Variants in HECTD4 observed in about 807,000 individuals in gnomAD.
HECTD4 encodes HECT domain E3 ubiquitin protein ligase 4, also known as probable E3 ubiquitin-protein ligase HECTD4.
HECTD4 carries 114 observed loss-of-function variants against 471.5 expected under a neutral mutation model. The ratio of observed to expected loss-of-function variants is 0.24; its 90% CI spans 0.21 to 0.28. The LOEUF (loss-of-function observed/expected upper bound fraction) is 0.28, where lower values mean the gene tolerates loss of function less well. Ranked by LOEUF, HECTD4 falls within the 10% of genes least tolerant of loss-of-function variation. HECTD4 has a pLI of 1.00. For synonymous variants in HECTD4, 2,012 were observed against 2,256.0 expected (o/e 0.89, Z 3.07); for missense variants, 3,866 against 5,651.5 (o/e 0.68, Z 10.13).
rs1364612558 is a variant in HECTD4 at position 112,179,340 on chromosome 12, G to A, written c.11045C>T (p.Ala3682Val). Reference protein sequence around the residue: ...EVLTEIFKSCAHSEQTLSLTP... With the variant: ...EVLTEIFKSCVHSEQTLSLTP... ...CAGGCTCAGCGTCTGCTCTGAATGG[G>A]CACAACTCTTAAATATCTCCGTCAG... is the stretch of plus-strand genomic sequence containing the variant. Residue 3682 changes from alanine to valine, a missense_variant, in exon 63 of 76, where the codon GCC (alanine) becomes GTC (valine). This residue lies in a region of HECTD4 where 715 missense variants were observed against 1,087.6 expected (regional missense o/e 0.66). Transcript: ENST00000682272. This position sits in a 1 kb window ranked among gnomAD's most constrained non-coding sequence, Gnocchi z 4.3. 2 of 1,613,030 alleles carry A rather than the reference G, an allele frequency of 1.2e-6. No individual in the cohort carries two copies. The highest frequency in any genetic ancestry group is 2.7e-5 in the African/African-American group (2 of 74,926).
chr12:112,172,173 G>A (rs1439742279), intron 67 of HECTD4, among the ~76,000 whole-genome samples: 1 of 152,228 alleles, frequency 6.6e-6, no homozygotes, highest in African/African-American at 2.4e-5. Flanking sequence ...AAAGTGCTGG[G>A]ATTACAGGCA....
chr12:112,165,067 C>A (rs1250373113), intron 72 of HECTD4, among the ~76,000 whole-genome samples: 2 of 151,490 alleles, frequency 1.3e-5, no homozygotes, highest in East Asian at 3.9e-4. Flanking sequence ...ATTACAGGCA[C>A]CCGCCACCAT....
rs1233290304 is a variant in HECTD4 at position 112,173,056 on chromosome 12, C to A, written c.11595-195G>T. 6.6e-6 allele frequency among the ~76,000 whole-genome samples: 1 copy of A among 152,196 alleles called. No individual in the cohort carries two copies. The highest frequency in any genetic ancestry group is 1.5e-5 in the Non-Finnish European group (1 of 68,024). ...TTTCAAAAGAAGCAAGCCAAGCATG[C>A]CGGTGGGAGTGGGAATGCTGCATCC... On this transcript the variant is annotated intron_variant, in intron 66 of 75. Coordinates refer to ENST00000682272, the MANE Select transcript of HECTD4 (RefSeq NM_001388303.1). The surrounding 1 kb of genome is among the most constrained non-coding windows in gnomAD (Gnocchi z 4.3).
In HECTD4 at chr12:112,212,590, G is replaced by T; in HGVS notation, c.7526C>A (p.Pro2509Gln). Residue 2509 changes from proline (P) to glutamine (Q), a missense_variant, in exon 49 of 76, where the codon CCA becomes CAA. Physicochemically the swap from Pro to Gln is moderately conservative, Grantham distance 76 (BLOSUM62 -1). Transcript: ENST00000682272. Reference protein sequence around the residue: ...TEGTPPPPGQPAKGRVYFTYC... With the variant: ...TEGTPPPPGQQAKGRVYFTYC... ...TGTGAAGTACACCCGGCCCTTGGCTGGCTGTCCCGGAGGAGGTGGAGTCCC... is the reference window on the plus strand; with the variant it reads ...TGTGAAGTACACCCGGCCCTTGGCTTGCTGTCCCGGAGGAGGTGGAGTCCC... 6.2e-7 allele frequency: 1 copy of T among 1,613,862 alleles called. No homozygotes were observed. Among genetic ancestry groups the T allele is most frequent in the Non-Finnish European group, 8.5e-7 (1 of 1,179,858 alleles).
intron 1 of HECTD4, among the ~76,000 whole-genome samples, chr12:112,377,282 A>T (rs1177413383): frequency 1.4e-4 from 22 of 152,060 alleles, no homozygotes; most frequent in Admixed American, 1.3e-4. Flanking sequence ...TAAAAAAAAA[A>T]AATAAAACAA....
At chr12:112,326,328 A>G (rs980837832) in intron 1 of HECTD4, among the ~76,000 whole-genome samples, 1 of 152,066 alleles carries the variant, frequency 6.6e-6, no homozygotes, top group Non-Finnish European at 1.5e-5. Flanking sequence ...GACAGTCTCT[A>G]CAAAATAAAA....
intron 62 of HECTD4, among the ~76,000 whole-genome samples, chr12:112,180,706 A>ATTAT (rs1362625698): frequency 1.3e-5 from 2 of 152,132 alleles, no homozygotes. Flanking sequence ...GTATGAGAAG[A>ATTAT]CTGGGAAAGA....
At chr12:112,356,036 CTCAG>C (rs1258429473) in intron 1 of HECTD4, among the ~76,000 whole-genome samples, 3 of 152,098 alleles carry the variant, frequency 2.0e-5, no homozygotes, top group Non-Finnish European at 4.4e-5. Flanking sequence ...AGTCACTTGG[CTCAG>C]TCACTGACCT....
chr12:112,291,562 C>T lies in HECTD4; in HGVS notation c.1336-8260G>A, dbSNP rs756515722. On this transcript the variant is annotated intron_variant, in intron 7 of 75. Transcript: ENST00000682272. ...GCCAACCTGGGCAACATAGTGAGAC[C>T]CCCCCATCTTTAAAAAAAAAGAAAA... 4.4e-4 allele frequency among the ~76,000 whole-genome samples: 67 copies of T among 151,370 alleles called. 1 individual carries two copies. The highest frequency in any genetic ancestry group is 6.2e-4 in the Non-Finnish European group (42 of 67,972).
rs755371870 is a variant in HECTD4, at chr12:112,235,493, G to A, written c.5725+11C>T. 1 of 1,598,506 alleles carries A rather than the reference G, an allele frequency of 6.3e-7. No individual in the cohort carries two copies. The highest frequency in any genetic ancestry group is 8.5e-7 in the Non-Finnish European group (1 of 1,171,854). ...ACTGCCATGCTACTCTCCTGTTGAG[G>A]AGCTTCTCACCTGGAACCACATAAT... On this transcript the variant is annotated intron_variant, in intron 36 of 75. Transcript: ENST00000682272. This position sits in a 1 kb window ranked among gnomAD's most constrained non-coding sequence, Gnocchi z 5.0.
intron 18 of HECTD4, among the ~76,000 whole-genome samples, 159 bp from the exon 19 acceptor site, chr12:112,259,424 T>A (rs1477851476): frequency 6.6e-6 from 1 of 152,172 alleles, no homozygotes. Flanking sequence ...TTTTCCACCT[T>A]CTGCCACTGA....
chr12:112,248,517 G>A lies in HECTD4; in HGVS notation c.3951-5C>T, dbSNP rs2033809134. The A allele has an allele frequency of 6.3e-7, 1 of 1,585,136 alleles. No individual in the cohort carries two copies. Among genetic ancestry groups the A allele is most frequent in the East Asian group, 2.2e-5 (1 of 44,562 alleles). On this transcript the variant is annotated splice_polypyrimidine_tract_variant and splice_region_variant and intron_variant, in intron 25 of 75. Transcript: ENST00000682272. Reference sequence around the variant, plus strand: ...ACGTCTGGCTGAATCACTTCTCTGTGATCACAATGGAAATCAGTCAGATAT... The same window carrying A: ...ACGTCTGGCTGAATCACTTCTCTGTAATCACAATGGAAATCAGTCAGATAT...
At chr12:112,181,937 C>A (rs1279902748) in intron 62 of HECTD4, among the ~76,000 whole-genome samples, 2 of 151,830 alleles carry the variant, frequency 1.3e-5, no homozygotes, top group African/African-American at 2.4e-5. Flanking sequence ...ACTAAAAATA[C>A]AAAAATTAGC....
At chr12:112,250,095 A>G (rs2033847215) in intron 25 of HECTD4, 49 bp downstream of exon 25, 1 of 1,344,056 alleles carries the variant, frequency 7.4e-7, no homozygotes, top group Non-Finnish European at 1.1e-6. Flanking sequence ...TCAATTGTTT[A>G]AACTTTTTTT....
At chr12:112,342,783 A>T (rs545851491) in intron 1 of HECTD4, among the ~76,000 whole-genome samples, 2 of 152,216 alleles carry the variant, frequency 1.3e-5, no homozygotes, top group Non-Finnish European at 1.5e-5. Context: ...ATGCCATGTC[A>T]TACCTATCTT....
rs372339383 is a variant in HECTD4, at chr12:112,208,041, T to C, written c.8005-41A>G. 6 of 1,599,194 alleles carry C rather than the reference T, an allele frequency of 3.8e-6. No individual in the cohort carries two copies. In the African/African-American group the frequency reaches 8.0e-5, roughly 21 times the overall value. On this transcript the variant is annotated intron_variant, in intron 51 of 75. Coordinates refer to ENST00000682272, the MANE Select transcript of HECTD4 (RefSeq NM_001388303.1). Reference sequence around the variant, plus strand: ...ACCTCATGAACAGAGAAGGAATATCTGGTGCAGGCATCACTGTTTCCCTAA... The same window carrying C: ...ACCTCATGAACAGAGAAGGAATATCCGGTGCAGGCATCACTGTTTCCCTAA...
At chr12:112,249,600 C>T (rs1566087046) in intron 25 of HECTD4, 1 of 153,584 alleles carries the variant, frequency 6.5e-6, no homozygotes, top group Non-Finnish European at 1.4e-5. Context: ...TCTCTGAAAA[C>T]CTGCCTCAGG....
In HECTD4 at chr12:112,210,352, T is replaced by A. The variant is rs566102582; in HGVS notation, c.7630-100A>T. 7.3e-6 allele frequency: 9 copies of A among 1,240,422 alleles called. No individual in the cohort carries two copies. In the Admixed American group the frequency reaches 1.7e-4, roughly 23 times the overall value. The allele number at this position is 1,240,422 out of a possible 1,614,324, so 76.8% of individuals were successfully genotyped here. On this transcript the variant is annotated intron_variant, in intron 49 of 75. Transcript: ENST00000682272. ...CTCACTAAACGTCACCTTGGAAGAATAGCCCGAGGTGTGTGCTGGCATGAG... is the reference window on the plus strand; with the variant it reads ...CTCACTAAACGTCACCTTGGAAGAAAAGCCCGAGGTGTGTGCTGGCATGAG...
rs1367083116 is a variant in HECTD4, at chr12:112,188,233, G to A, written c.9472+2553C>T. On this transcript the variant is annotated intron_variant, in intron 60 of 75. Transcript: ENST00000682272. This position sits in a 1 kb window ranked among gnomAD's most constrained non-coding sequence, Gnocchi z 4.2. ...GAACCCAGGAGGTGGAAGTTGCAGT[G>A]AGCTGAGATCGCACCACTGCGCTCC... is the stretch of plus-strand genomic sequence containing the variant. 6.6e-6 allele frequency among the ~76,000 whole-genome samples: 1 copy of A among 152,212 alleles called. No homozygotes were observed. The highest frequency in any genetic ancestry group is 1.5e-5 in the Non-Finnish European group (1 of 68,040).
Sources: gnomAD v4.1 joint callset for allele counts (sites outside exome capture counted in the v4.1 genomes callset) on GRCh38, gnomAD v4.1.1 for gene constraint, gnomAD v4.1.1 regional missense constraint, Gnocchi (gnomAD v3.1) non-coding constraint, MANE v1.5 for transcripts, NCBI Gene and HGNC (gene_info 2026-07-23, HGNC 2026-07-21) for gene names.